SPEF2: variants seen among roughly 807,000 people sequenced by gnomAD.
The protein encoded by SPEF2 is sperm flagellar and cilia associated 2, also known as sperm flagella and cilia-associated protein 2.
A neutral mutation model predicts 224.6 loss-of-function variants in SPEF2; 187 were observed. The observed-to-expected ratio is 0.83, with a 90% CI of 0.74 to 0.94. SPEF2 has a LOEUF of 0.94. Ranked by LOEUF, SPEF2 falls within the 40% of genes least tolerant of loss-of-function variation. SPEF2 has a pLI of 0.00. For missense variants in SPEF2, 2,170 were observed against 2,135.6 expected (o/e 1.02, Z -0.32); for synonymous variants, 715 against 707.3 (o/e 1.01, Z -0.17).
At chr5:35,708,613 ACCTCTACCTC>A in intron 18 of SPEF2, among the ~76,000 whole-genome samples, 1 of 1,342 alleles carries the variant, frequency 7.5e-4, no homozygotes, top group Admixed American at 7.7e-3. Context: ...AGACTTCACC[ACCTCTACCTC>A]CACCACCATC....
chr5:35,652,251 CTAAT>C (rs1337109729), intron 6 of SPEF2, among the ~76,000 whole-genome samples: 2 of 151,940 alleles, frequency 1.3e-5, no homozygotes, highest in African/African-American at 2.4e-5. Flanking sequence ...GATGGGTTGA[CTAAT>C]TGATAAAGGA....
At chr5:35,652,325 C>T (rs1748313101) in intron 6 of SPEF2, among the ~76,000 whole-genome samples, 1 of 151,950 alleles carries the variant, frequency 6.6e-6, no homozygotes, top group East Asian at 1.9e-4. Flanking sequence ...GAGCTATTAA[C>T]CCACGCTCAA....
intron 19 of SPEF2, chr5:35,709,958 CTT>C: frequency 1.0e-6 from 1 of 984,448 alleles, no homozygotes; most frequent in South Asian, 4.7e-5. Context: ...ACTCTATAGT[CTT>C]TCTGCCTCAC....
chr5:35,687,795 T>TA (rs1753857499), intron 10 of SPEF2, among the ~76,000 whole-genome samples: 1 of 152,212 alleles, frequency 6.6e-6, no homozygotes, highest in Non-Finnish European at 1.5e-5. Context: ...TGAACCTTTT[T>TA]ATCTCACCCT....
intron 30 of SPEF2, among the ~76,000 whole-genome samples, chr5:35,784,474 T>C (rs925981067): frequency 6.6e-6 from 1 of 152,106 alleles, no homozygotes; most frequent in African/African-American, 2.4e-5. Flanking sequence ...AGGGTACACA[T>C]TCAGAACTTT....
intron 19 of SPEF2, chr5:35,709,481 A>G (rs2149591883): frequency 1.0e-6 from 1 of 1,001,940 alleles, no homozygotes; most frequent in East Asian, 1.1e-4. Flanking sequence ...AATGAGTAAG[A>G]ACATCTTAAT....
chr5:35,793,057 C>A, intron 31 of SPEF2, 102 bp from the exon 32 acceptor site: 1 of 1,090,306 alleles, frequency 9.2e-7, no homozygotes. Flanking sequence ...GTGAAAAGTC[C>A]TACTTCTTTC....
chr5:35,651,245 C>G lies in SPEF2; in HGVS notation c.791+1820C>G, dbSNP rs973641437. On this transcript the variant is annotated intron_variant, in intron 6 of 36. Coordinates refer to ENST00000356031, the MANE Select transcript of SPEF2 (RefSeq NM_024867.4). ...GAAACGTAGTCTTTAACTGGACACACTGTTTCCCTGCATAAAATTGGGGTT... is the reference window on the plus strand; with the variant it reads ...GAAACGTAGTCTTTAACTGGACACAGTGTTTCCCTGCATAAAATTGGGGTT... Among the ~76,000 whole-genome samples the G allele has an allele frequency of 3.3e-5, 5 of 152,312 alleles. No individual in the cohort carries two copies. The East Asian group carries it at 9.6e-4, about 29-fold the overall frequency.
At chr5:35,742,361 A>T (rs1561292397) in intron 23 of SPEF2, among the ~76,000 whole-genome samples, 1 of 152,120 alleles carries the variant, frequency 6.6e-6, no homozygotes, top group Non-Finnish European at 1.5e-5. Flanking sequence ...GTTTAAGATT[A>T]TGCTTATTTT....
At chr5:35,694,397 A>G in intron 13 of SPEF2, 34 bp downstream of exon 13, 2 of 1,551,438 alleles carry the variant, frequency 1.3e-6, no homozygotes, top group Non-Finnish European at 1.8e-6. Flanking sequence ...TATTATTTAC[A>G]TTAGAGAGAG....
intron 3 of SPEF2, chr5:35,643,513 G>A (rs10941252): frequency 0.38 from 172,364 of 455,492 alleles, 35,590 homozygotes; most frequent in East Asian, 0.49. Context: ...AGAGACTGGG[G>A]CCACTTATCA....
chr5:35,786,534 C>T (rs10071757), intron 30 of SPEF2, among the ~76,000 whole-genome samples: 1,537 of 152,224 alleles, frequency 0.01, 39 homozygotes, highest in African/African-American at 0.036. Context: ...GTGGCAGTTG[C>T]TTGTATTCCC....
intron 3 of SPEF2, 48 bp from the exon 4 acceptor site, chr5:35,644,307 T>G (rs1258457426): frequency 7.2e-7 from 1 of 1,384,080 alleles, no homozygotes; most frequent in Admixed American, 2.8e-5. Flanking sequence ...AATGAAAATG[T>G]ACTCTTTATT....
At chr5:35,795,911 C>A in intron 33 of SPEF2, 116 bp downstream of exon 33, 2 of 869,458 alleles carry the variant, frequency 2.3e-6, no homozygotes, top group Non-Finnish European at 3.7e-6. Flanking sequence ...AATTCCTCTG[C>A]TGCCTCTCCA....
At chr5:35,732,503 G>A (rs1580491092) in intron 21 of SPEF2, among the ~76,000 whole-genome samples, 1 of 152,162 alleles carries the variant, frequency 6.6e-6, no homozygotes, top group Non-Finnish European at 1.5e-5. Flanking sequence ...TAAAAGAACT[G>A]TAAATGTTTA....
rs2149784390 is a variant in SPEF2, at chr5:35,772,148, T to C, written c.3949+392T>C. On this transcript the variant is annotated intron_variant, in intron 27 of 36. Coordinates refer to ENST00000356031, the MANE Select transcript of SPEF2 (RefSeq NM_024867.4). The stretch of plus-strand genomic sequence containing the variant: ...GTTTCAGGGGCAAGTCCTTTTCTCT[T>C]GGAGGCCTCCTGCCTAAATCCCTGG... Among the ~76,000 whole-genome samples, 3 of 152,318 alleles carry C rather than the reference T, an allele frequency of 2.0e-5. No individual in the cohort carries two copies. In the South Asian group the frequency reaches 6.2e-4, roughly 32 times the overall value.
chr5:35,757,021 A>T (rs774221371), intron 24 of SPEF2, among the ~76,000 whole-genome samples: 8 of 128,306 alleles, frequency 6.2e-5, no homozygotes, highest in Admixed American at 1.8e-4. Flanking sequence ...TTTAAATCTA[A>T]GATTCTGTCT....
chr5:35,667,994 T>A (rs1296939328), intron 9 of SPEF2, among the ~76,000 whole-genome samples: 1 of 150,226 alleles, frequency 6.7e-6, no homozygotes, highest in Admixed American at 6.7e-5. Flanking sequence ...GGTTAAAATT[T>A]TTAAAAAAAT....
intron 23 of SPEF2, among the ~76,000 whole-genome samples, chr5:35,743,660 G>A (rs1748024719): frequency 6.6e-6 from 1 of 151,498 alleles, no homozygotes; most frequent in African/African-American, 2.4e-5. Flanking sequence ...AAAGGGTACA[G>A]GTAATTCTGA....
Sources: gnomAD v4.1 joint callset for allele counts (sites outside exome capture counted in the v4.1 genomes callset) on GRCh38, gnomAD v4.1.1 for gene constraint, MANE v1.5 for transcripts, NCBI Gene and HGNC (gene_info 2026-07-23, HGNC 2026-07-21) for gene names.